DNAH7: variants seen among roughly 807,000 people sequenced by gnomAD.
DNAH7 encodes the protein dynein axonemal heavy chain 7, also known as axonemal beta dynein heavy chain 7.
A neutral mutation model predicts 444.6 loss-of-function variants in DNAH7; 397 were observed. The observed-to-expected ratio is 0.89, with a 90% CI of 0.82 to 0.97. DNAH7 has a LOEUF of 0.97. DNAH7 is among the 50% of genes least tolerant of loss of function. The probability of loss-of-function intolerance (pLI) is 0.00; values close to 1 mark genes in which losing one functional copy is unlikely to be tolerated. For synonymous variants in DNAH7, 1,636 were observed against 1,624.4 expected (o/e 1.01, Z -0.17); for missense variants, 4,902 against 4,800.8 (o/e 1.02, Z -0.62).
intron 64 of DNAH7, among the ~76,000 whole-genome samples, chr2:195,739,915 A>G (rs1316188723): frequency 6.6e-6 from 1 of 152,006 alleles, no homozygotes; most frequent in Non-Finnish European, 1.5e-5. Context: ...GGTTTTTCAC[A>G]TTTTTGTGTT....
At chr2:195,975,188 A>T (rs967907360) in intron 15 of DNAH7, among the ~76,000 whole-genome samples, 1 of 152,194 alleles carries the variant, frequency 6.6e-6, no homozygotes, top group African/African-American at 2.4e-5. Flanking sequence ...CATATTACTG[A>T]AAGAGACACC....
chr2:195,957,632 T>C (rs1216591413), intron 18 of DNAH7, among the ~76,000 whole-genome samples, 185 bp from the exon 19 acceptor site: 1 of 145,416 alleles, frequency 6.9e-6, no homozygotes, highest in Non-Finnish European at 1.5e-5. Flanking sequence ...TTGTATATAA[T>C]GTTATACAAT....
At chr2:195,972,038 T>G (rs1691880034) in intron 16 of DNAH7, among the ~76,000 whole-genome samples, 1 of 152,170 alleles carries the variant, frequency 6.6e-6, no homozygotes, top group Non-Finnish European at 1.5e-5. Context: ...ATCAATATAC[T>G]ACTGACTCCT....
In DNAH7 at chr2:195,957,289, C is replaced by CACAGATATAA. The variant is rs768563599; in HGVS notation, c.3049_3050insTTATATCTGT (p.Trp1017PhefsTer15). ...CATGACACTTCTCATTATATCTCTC[C>CACAGATATAA]ATGTCTTATCCACAGCTGTAAATCG... On this transcript the variant is annotated frameshift_variant, in exon 19 of 65. Coordinates refer to ENST00000312428, the MANE Select transcript of DNAH7 (RefSeq NM_018897.3). LOFTEE classifies it high-confidence loss of function. 6.3e-7 allele frequency: 1 copy of CACAGATATAA among 1,590,820 alleles called. No individual in the cohort carries two copies. Among genetic ancestry groups the CACAGATATAA allele is most frequent in the African/African-American group, 1.3e-5 (1 of 74,588 alleles).
intron 9 of DNAH7, among the ~76,000 whole-genome samples, chr2:196,015,588 T>A (rs1694971134): frequency 6.6e-6 from 1 of 152,224 alleles, no homozygotes; most frequent in Non-Finnish European, 1.5e-5. Context: ...AAAGGCTATC[T>A]ATGACATTAA....
chr2:195,901,804 A>G (rs1574714801), intron 27 of DNAH7: 1 of 152,340 alleles, frequency 6.6e-6, no homozygotes, highest in East Asian at 1.9e-4. Flanking sequence ...GTAATACACA[A>G]TTATTATTAG....
At chr2:195,876,445 C>G in intron 37 of DNAH7, 99 bp downstream of exon 37, 5 of 1,226,402 alleles carry the variant, frequency 4.1e-6, no homozygotes, top group South Asian at 1.4e-5. Context: ...CATTAAAAAA[C>G]TATACAAAAA....
intron 35 of DNAH7, 85 bp downstream of exon 35, chr2:195,884,500 G>T: frequency 1.1e-6 from 1 of 924,442 alleles, no homozygotes; most frequent in Middle Eastern, 2.2e-4. Context: ...GATGATGAAG[G>T]TGGCCACAGG....
intron 38 of DNAH7, among the ~76,000 whole-genome samples, chr2:195,874,978 T>C (rs1700964220): frequency 6.6e-6 from 1 of 152,118 alleles, no homozygotes; most frequent in African/African-American, 2.4e-5. Flanking sequence ...ACAAGCAACA[T>C]TTTAAAAAAT....
rs114520355 is a variant in DNAH7 at position 195,794,365 on chromosome 2, C to T, written c.10689G>A (p.Pro3563=). 3.2e-4 allele frequency: 514 copies of T among 1,614,096 alleles called. No homozygotes were observed. The African/African-American group carries it at 5.3e-3, about 17-fold the overall frequency. Residue 3563 remains proline (P), a synonymous_variant, in exon 57 of 65, where the codon CCG becomes CCA. Coordinates refer to ENST00000312428, the MANE Select transcript of DNAH7 (RefSeq NM_018897.3). ...GCTTTTTGCAGCTGCCAAAGAACTC[C>T]GGATCAGAGATCGGGTCCATGAGGT... The part of the protein sequence containing the change: ...RSYLMDPISD[P]EFFGSCKKPE...
intron 46 of DNAH7, among the ~76,000 whole-genome samples, chr2:195,847,480 G>A (rs1378885099): frequency 6.6e-6 from 1 of 151,676 alleles, no homozygotes; most frequent in Non-Finnish European, 1.5e-5. Context: ...AATAGACACT[G>A]GGGCCTACTT....
At position 195,901,344 on chromosome 2, in the gene DNAH7, A is replaced by G. The variant is rs546013768; in HGVS notation, c.4336-850T>C. 5 of 152,254 alleles carry G rather than the reference A, an allele frequency of 3.3e-5. No homozygotes were observed. In the East Asian group the frequency reaches 9.6e-4, roughly 29 times the overall value. The allele number at this position is 152,254 out of a possible 1,614,324, so 9.4% of individuals were successfully genotyped here. On this transcript the variant is annotated intron_variant, in intron 27 of 64. Coordinates refer to ENST00000312428, the MANE Select transcript of DNAH7 (RefSeq NM_018897.3). ...GGAAGTTTAAAAAGTAAACAAATAA[A>G]CAGACAAATTCCTGGCTTCTGAAAA... is the stretch of plus-strand genomic sequence containing the variant.
chr2:195,863,837 G>A (rs1399834044), intron 41 of DNAH7, among the ~76,000 whole-genome samples: 1 of 152,110 alleles, frequency 6.6e-6, no homozygotes, highest in African/African-American at 2.4e-5. Flanking sequence ...ACCCCTCTGT[G>A]AACAGTTCCT....
At chr2:195,998,294 G>T (rs1025349837) in intron 12 of DNAH7, among the ~76,000 whole-genome samples, 12 of 152,088 alleles carry the variant, frequency 7.9e-5, no homozygotes, top group African/African-American at 2.4e-4. Context: ...AAAAGTTATG[G>T]CTGGGTGCGG....
In DNAH7 at chr2:195,737,979, T is replaced by C; in HGVS notation, c.12017A>G (p.Gln4006Arg). 1 of 1,614,016 alleles carries C rather than the reference T, an allele frequency of 6.2e-7. No homozygotes were observed. Among genetic ancestry groups the C allele is most frequent in the South Asian group, 1.1e-5 (1 of 91,084 alleles). The change falls in exon 65 of 65, where the codon CAA becomes CGA. Residue 4006 changes from glutamine to arginine, a missense_variant. By Grantham distance (43) the Gln-to-Arg change is conservative (BLOSUM62 1). Coordinates refer to ENST00000312428, the MANE Select transcript of DNAH7 (RefSeq NM_018897.3). ...FVIAMTLPSD[Q>R]PKEHWIGRGV... ...TCGTCCAATCCAGTGTTCCTTGGGT[T>C]GGTCAGAGGGAAGAGTCATGGCAAT... is the stretch of plus-strand genomic sequence containing the variant.
chr2:195,794,277 C>T (rs1696029556), intron 57 of DNAH7, 61 bp downstream of exon 57: 1 of 1,532,776 alleles, frequency 6.5e-7, no homozygotes, highest in Non-Finnish European at 9.0e-7. Flanking sequence ...CATCCATGAT[C>T]ACCAGGGGCC....
intron 57 of DNAH7, among the ~76,000 whole-genome samples, chr2:195,791,215 C>A (rs1274800296): frequency 6.6e-6 from 1 of 151,872 alleles, no homozygotes; most frequent in Non-Finnish European, 1.5e-5. Context: ...CTCCTGTAAT[C>A]CCAGCACTTT....
chr2:196,019,433 G>A lies in DNAH7; in HGVS notation c.744-138C>T, dbSNP rs989977856. The A allele has an allele frequency of 2.0e-5, 12 of 586,310 alleles. No individual in the cohort carries two copies. In the African/African-American group the frequency reaches 2.3e-4, roughly 11 times the overall value. The allele number at this position is 586,310 out of a possible 1,614,324, so 36.3% of individuals were successfully genotyped here. On this transcript the variant is annotated intron_variant, in intron 8 of 64. Coordinates refer to ENST00000312428, the MANE Select transcript of DNAH7 (RefSeq NM_018897.3). ...TCATAATAACAAAACAAGCAATTATGTTTTAAAATATATAAAGATCATATG... is the reference window on the plus strand; with the variant it reads ...TCATAATAACAAAACAAGCAATTATATTTTAAAATATATAAAGATCATATG...
intron 61 of DNAH7, among the ~76,000 whole-genome samples, chr2:195,761,610 T>C (rs114453571): frequency 0.017 from 2,557 of 152,160 alleles, 70 homozygotes; most frequent in African/African-American, 0.058. Flanking sequence ...CAACACACAA[T>C]GGAGTTCCAA....
Sources: allele counts gnomAD v4.1 joint callset (sites outside exome capture counted in the v4.1 genomes callset), GRCh38; gene constraint gnomAD v4.1.1; transcripts MANE v1.5; gene names NCBI Gene and HGNC (gene_info 2026-07-23, HGNC 2026-07-21).